The following MMP26 variants were observed in gnomAD, a reference collection of about 807,000 sequenced individuals.
MMP26 encodes matrix metallopeptidase 26, also known as matrix metalloproteinase-26.
In MMP26, 33 loss-of-function variants were observed where a neutral mutation model predicts 31.0. The ratio of observed to expected loss-of-function variants is 1.06; its 90% CI spans 0.81 to 1.42. MMP26 has a LOEUF of 1.42. MMP26 is among the 40% of genes most tolerant of loss of function. The probability of loss-of-function intolerance (pLI) is 0.00; values close to 1 mark genes in which losing one functional copy is unlikely to be tolerated. For synonymous variants in MMP26, 122 were observed against 114.9 expected (o/e 1.06, Z -0.40); for missense variants, 347 against 316.1 (o/e 1.10, Z -0.74).
chr11:4,722,470 CTTTTTTTTTT>C (rs60627073), intron 1 of MMP26, among the ~76,000 whole-genome samples: 2 of 63,990 alleles, frequency 3.1e-5, no homozygotes, highest in East Asian at 4.0e-4. Flanking sequence ...GAAGTAATTA[CTTTTTTTTTT>C]TTTTTTTTTT....
chr11:4,910,325 C>G (rs1850971557), intron 2 of MMP26, among the ~76,000 whole-genome samples: 1 of 152,062 alleles, frequency 6.6e-6, no homozygotes, highest in Non-Finnish European at 1.5e-5. Flanking sequence ...TATAATTAGA[C>G]TGGGTTCCCC....
intron 2 of MMP26, among the ~76,000 whole-genome samples, chr11:4,886,870 T>C (rs1564800646): frequency 6.6e-6 from 1 of 151,926 alleles, no homozygotes; most frequent in Non-Finnish European, 1.5e-5. Flanking sequence ...ATTGTAGTTA[T>C]TTAATCAGAG....
chr11:4,723,828 A>G, intron 1 of MMP26: 1 of 1,557,358 alleles, frequency 6.4e-7, no homozygotes, highest in Non-Finnish European at 8.8e-7. Context: ...GCATCTTGTT[A>G]TGCTGCTCCA....
intron 1 of MMP26, among the ~76,000 whole-genome samples, chr11:4,765,524 C>A (rs1848618041): frequency 6.6e-6 from 1 of 152,160 alleles, no homozygotes; most frequent in Admixed American, 6.5e-5. Context: ...TATCCATGTG[C>A]ACACCAACTT....
intron 2 of MMP26, among the ~76,000 whole-genome samples, chr11:4,901,650 T>C (rs982335775): frequency 6.6e-6 from 1 of 152,186 alleles, no homozygotes; most frequent in African/African-American, 2.4e-5. Flanking sequence ...AGTTTGTCTA[T>C]TAACTGAGAG....
intron 1 of MMP26, among the ~76,000 whole-genome samples, chr11:4,735,994 T>G (rs1848235043): frequency 6.6e-6 from 1 of 152,154 alleles, no homozygotes; most frequent in Non-Finnish European, 1.5e-5. Flanking sequence ...TTAGTAGTAA[T>G]TCTATTAAAT....
intron 2 of MMP26, among the ~76,000 whole-genome samples, chr11:4,788,283 CA>C (rs1341344190): frequency 1.3e-5 from 2 of 151,760 alleles, no homozygotes; most frequent in African/African-American, 4.8e-5. Context: ...TGTTACAAGC[CA>C]TGAGCTCCCT....
chr11:4,848,069 G>T, intron 2 of MMP26: 3 of 667,372 alleles, frequency 4.5e-6, no homozygotes, highest in Non-Finnish European at 7.5e-6. Flanking sequence ...TTTGGGGCTT[G>T]TAAGTTTGCA....
chr11:4,707,315 T>A (rs1322059995), intron 1 of MMP26, among the ~76,000 whole-genome samples: 1 of 152,222 alleles, frequency 6.6e-6, no homozygotes, highest in Non-Finnish European at 1.5e-5. Flanking sequence ...TTGTTGGCCA[T>A]TTGTATGTTT....
At chr11:4,989,069 A>G (rs1019115958) in intron 3 of MMP26, among the ~76,000 whole-genome samples, 1 of 152,266 alleles carries the variant, frequency 6.6e-6, no homozygotes, top group Non-Finnish European at 1.5e-5. Flanking sequence ...GCATTCAAAT[A>G]CAGACAGAGA....
intron 2 of MMP26, among the ~76,000 whole-genome samples, chr11:4,814,171 A>G (rs1421057861): frequency 6.6e-6 from 1 of 152,214 alleles, no homozygotes; most frequent in East Asian, 1.9e-4. Flanking sequence ...GAGCAATTGG[A>G]GCACTCATAA....
intron 1 of MMP26, among the ~76,000 whole-genome samples, chr11:4,766,575 A>G (rs538823315): frequency 6.6e-6 from 1 of 152,298 alleles, no homozygotes; most frequent in East Asian, 1.9e-4. Context: ...TTCTGTTGCT[A>G]CAATAAAAAG....
Position 4,961,731 on chromosome 11 carries a change from C to A in MMP26, c.-144-26337C>A, listed in dbSNP as rs192945855. Among the ~76,000 whole-genome samples, 470 of 152,160 alleles carry A rather than the reference C, an allele frequency of 3.1e-3. 2 individuals carry two copies. Among genetic ancestry groups the A allele is most frequent in the Middle Eastern group, 6.8e-3 (2 of 294 alleles). On this transcript the variant is annotated intron_variant, in intron 2 of 7. Coordinates refer to ENST00000380390, the MANE Select transcript of MMP26 (RefSeq NM_021801.5). ...TGGGATTTTAATTTTTGGGAGATTG[C>A]AATTTTTGAGGTTTTAGATTTCAGG...
At chr11:4,855,825 A>G (rs1241585368) in intron 2 of MMP26, among the ~76,000 whole-genome samples, 1 of 152,220 alleles carries the variant, frequency 6.6e-6, no homozygotes, top group African/African-American at 2.4e-5. Context: ...CCAGAGAGAA[A>G]GGTCGCGTTA....
At chr11:4,921,060 C>A (rs1200607874) in intron 2 of MMP26, among the ~76,000 whole-genome samples, 3 of 152,158 alleles carry the variant, frequency 2.0e-5, no homozygotes, top group African/African-American at 7.2e-5. Context: ...TCCTGATTTC[C>A]AAACAATATC....
rs866652918 is a variant in MMP26 at position 4,986,942 on chromosome 11, T to C, written c.-144-1126T>C. Among the ~76,000 whole-genome samples the C allele has an allele frequency of 2.8e-3, 336 of 120,790 alleles. 5 individuals are homozygous for C. Among genetic ancestry groups the C allele is most frequent in the Middle Eastern group, 5.5e-3 (1 of 182 alleles). The allele number at this position is 120,790 out of a possible 152,430, so 79.2% of individuals were successfully genotyped here. On this transcript the variant is annotated intron_variant, in intron 2 of 7. Coordinates refer to ENST00000380390, the MANE Select transcript of MMP26 (RefSeq NM_021801.5). The stretch of plus-strand genomic sequence containing the variant: ...CTCTCTCTCTCTCTCCCTCTCTCTC[T>C]CTCTCTCTCTCTCTCTCCCTCTCTC...
At chr11:4,755,986 C>T (rs1848500110) in intron 1 of MMP26, among the ~76,000 whole-genome samples, 1 of 151,972 alleles carries the variant, frequency 6.6e-6, no homozygotes, top group South Asian at 2.1e-4. Flanking sequence ...TGTTGCCTAT[C>T]ACATCACAAT....
chr11:4,722,975 G>T, intron 1 of MMP26: 2 of 821,932 alleles, frequency 2.4e-6, no homozygotes, highest in Non-Finnish European at 4.3e-6. Context: ...CTGCATCCCA[G>T]ACTCCAGCCG....
chr11:4,911,591 A>C (rs1295721791), intron 2 of MMP26, among the ~76,000 whole-genome samples: 2 of 152,150 alleles, frequency 1.3e-5, no homozygotes, highest in African/African-American at 4.8e-5. Flanking sequence ...ACTCAGGTTC[A>C]TTTCTACTTC....
Sources: allele counts gnomAD v4.1 joint callset (sites outside exome capture counted in the v4.1 genomes callset), GRCh38; gene constraint gnomAD v4.1.1; transcripts MANE v1.5; gene names NCBI Gene and HGNC (gene_info 2026-07-23, HGNC 2026-07-21).